The following AGBL4 variants were observed in gnomAD, a reference collection of about 807,000 sequenced individuals.
AGBL4 encodes AGBL carboxypeptidase 4.
In AGBL4, 58 loss-of-function variants were observed where a neutral mutation model predicts 66.4. That is an observed-to-expected ratio of 0.87 (90% CI 0.71 to 1.09). The LOEUF (loss-of-function observed/expected upper bound fraction) is 1.09. AGBL4 is among the 50% of genes least tolerant of loss of function. The pLI, the probability that AGBL4 is intolerant of heterozygous loss-of-function variation, is 0.00. For missense variants in AGBL4, 579 were observed against 631.0 expected (o/e 0.92, Z 0.88); for synonymous variants, 234 against 222.9 (o/e 1.05, Z -0.44).
intron 3 of AGBL4, among the ~76,000 whole-genome samples, chr1:49,516,040 T>A (rs182254168): frequency 0.02 from 2,706 of 135,402 alleles, 38 homozygotes; most frequent in Middle Eastern, 0.038. Flanking sequence ...AAGTATAATT[T>A]AAAAAAAAAA....
At chr1:48,966,251 A>G (rs550692980) in intron 5 of AGBL4, among the ~76,000 whole-genome samples, 34 of 152,282 alleles carry the variant, frequency 2.2e-4, no homozygotes, top group African/African-American at 7.9e-4. Flanking sequence ...GTCTCTGTTC[A>G]GGTAACGAGG....
At chr1:48,637,622 G>C (rs1439845865) in intron 8 of AGBL4, among the ~76,000 whole-genome samples, 1 of 152,250 alleles carries the variant, frequency 6.6e-6, no homozygotes, top group Admixed American at 6.5e-5. Context: ...GCAGCAGGGA[G>C]TGCTGTGCAG....
At chr1:49,871,061 G>C (rs894629244) in intron 1 of AGBL4, among the ~76,000 whole-genome samples, 8 of 152,020 alleles carry the variant, frequency 5.3e-5, no homozygotes, top group Non-Finnish European at 1.2e-4. Flanking sequence ...AGGCGGGCAT[G>C]TGAAATTGCG....
chr1:48,648,964 C>T (rs191238811), intron 8 of AGBL4, among the ~76,000 whole-genome samples: 65 of 152,342 alleles, frequency 4.3e-4, no homozygotes, highest in Middle Eastern at 3.4e-3. Flanking sequence ...GGCACTGTAG[C>T]TTTGTGCCAT....
At chr1:49,063,284 C>A (rs1644434689) in intron 4 of AGBL4, among the ~76,000 whole-genome samples, 1 of 152,140 alleles carries the variant, frequency 6.6e-6, no homozygotes, top group Non-Finnish European at 1.5e-5. Context: ...CATTTTTTAG[C>A]TACAAAATGC....
At chr1:49,304,630 C>T (rs1248415969) in intron 3 of AGBL4, among the ~76,000 whole-genome samples, 1 of 151,836 alleles carries the variant, frequency 6.6e-6, no homozygotes, top group Admixed American at 6.6e-5. Flanking sequence ...CAGGCAAAGG[C>T]TACAGAGAAA....
chr1:48,888,422 C>G (rs1033535061), intron 5 of AGBL4, among the ~76,000 whole-genome samples: 2 of 152,174 alleles, frequency 1.3e-5, no homozygotes, highest in Admixed American at 6.5e-5. Context: ...CCCACTTCCT[C>G]TGCGCCATAG....
At chr1:48,841,703 A>C (rs1447879420) in intron 6 of AGBL4, among the ~76,000 whole-genome samples, 1 of 152,078 alleles carries the variant, frequency 6.6e-6, no homozygotes, top group African/African-American at 2.4e-5. Context: ...ACTACTACAG[A>C]TGTTGCAGTG....
At chr1:48,713,478 C>A (rs1646999696) in intron 6 of AGBL4, among the ~76,000 whole-genome samples, 1 of 152,162 alleles carries the variant, frequency 6.6e-6, no homozygotes, top group Non-Finnish European at 1.5e-5. Context: ...AAGCACAGAG[C>A]AGCTCTGGCA....
intron 5 of AGBL4, among the ~76,000 whole-genome samples, chr1:48,919,159 T>C (rs1432043586): frequency 6.6e-6 from 1 of 152,188 alleles, no homozygotes; most frequent in Non-Finnish European, 1.5e-5. Flanking sequence ...AGAGGGATTT[T>C]GGTCTAAAAG....
intron 2 of AGBL4, chr1:49,846,367 C>T (rs1257070025): frequency 1.9e-6 from 3 of 1,546,450 alleles, no homozygotes; most frequent in Non-Finnish European, 2.7e-6. Flanking sequence ...ACAGCACCTC[C>T]CTTACCAAGC....
chr1:48,564,101 T>G (rs568079376), intron 11 of AGBL4, among the ~76,000 whole-genome samples: 13 of 152,224 alleles, frequency 8.5e-5, no homozygotes, highest in African/African-American at 3.1e-4. Flanking sequence ...ACCTCAGACA[T>G]GACTTTCCCA....
At chr1:48,886,507 G>A (rs1426709487) in intron 5 of AGBL4, among the ~76,000 whole-genome samples, 1 of 152,054 alleles carries the variant, frequency 6.6e-6, no homozygotes, top group Non-Finnish European at 1.5e-5. Context: ...CACTTCTCCG[G>A]GAGCATCATT....
At chr1:48,770,041 C>T (rs1056053884) in intron 6 of AGBL4, among the ~76,000 whole-genome samples, 5 of 152,130 alleles carry the variant, frequency 3.3e-5, no homozygotes, top group Non-Finnish European at 5.9e-5. Flanking sequence ...CCTTTAGTGA[C>T]AGGGAGCTCA....
chr1:49,669,591 A>G (rs1439644589), intron 3 of AGBL4, among the ~76,000 whole-genome samples: 1 of 152,172 alleles, frequency 6.6e-6, no homozygotes, highest in African/African-American at 2.4e-5. Context: ...TGTGAACTAT[A>G]AATGGCATCT....
At chr1:49,085,662 G>A (rs765848733) in intron 4 of AGBL4, among the ~76,000 whole-genome samples, 14 of 151,848 alleles carry the variant, frequency 9.2e-5, no homozygotes, top group South Asian at 8.3e-4. Flanking sequence ...AGAGAATAGC[G>A]AATCTGGTTA....
intron 1 of AGBL4, among the ~76,000 whole-genome samples, chr1:49,953,082 A>C (rs2148328263): frequency 6.6e-6 from 1 of 152,106 alleles, no homozygotes; most frequent in South Asian, 2.1e-4. Context: ...AAAACATAAA[A>C]GAAGAATGAT....
intron 5 of AGBL4, among the ~76,000 whole-genome samples, chr1:49,001,286 C>T (rs1341109665): frequency 6.6e-6 from 1 of 152,152 alleles, no homozygotes; most frequent in African/African-American, 2.4e-5. Flanking sequence ...TGGCTAATAT[C>T]ATCTTGAAAT....
At chr1:49,512,989 A>G (rs951398978) in intron 3 of AGBL4, among the ~76,000 whole-genome samples, 4 of 152,028 alleles carry the variant, frequency 2.6e-5, no homozygotes, top group African/African-American at 9.7e-5. Context: ...AAGAAACTCT[A>G]TTATATAGAC....
Sources: gnomAD v4.1 joint callset for allele counts (sites outside exome capture counted in the v4.1 genomes callset) on GRCh38, gnomAD v4.1.1 for gene constraint, MANE v1.5 for transcripts, NCBI Gene and HGNC (gene_info 2026-07-23, HGNC 2026-07-21) for gene names.